RIC1: variants seen among roughly 807,000 people sequenced by gnomAD.
The protein encoded by RIC1 is RIC1 partner of RAB6A GEF complex.
In RIC1, 88 loss-of-function variants were observed where a neutral mutation model predicts 169.0. That is an observed-to-expected ratio of 0.52 (90% CI 0.44 to 0.62). The LOEUF (loss-of-function observed/expected upper bound fraction) is 0.62. Among genes scored for constraint, RIC1 ranks in the 20% least tolerant of loss-of-function variants. The pLI, the probability that RIC1 is intolerant of heterozygous loss-of-function variation, is 0.00. For synonymous variants in RIC1, 790 were observed against 601.5 expected, an observed-to-expected ratio of 1.31 and a Z score of -4.59; for missense variants, 1,877 against 1,725.5, an observed-to-expected ratio of 1.09 and a Z score of -1.56.
chr9:5,661,986 T>C (rs1819481530), intron 2 of RIC1, among the ~76,000 whole-genome samples: 1 of 152,240 alleles, frequency 6.6e-6, no homozygotes, highest in African/African-American at 2.4e-5. Flanking sequence ...ATGACTCTTA[T>C]TATTTTGAAG....
At position 5,654,383 on chromosome 9, in the gene RIC1, A is replaced by G. The variant is rs141719443; in HGVS notation, c.145-2200A>G. Among the ~76,000 whole-genome samples the G allele has an allele frequency of 6.3e-3, 957 of 152,222 alleles. 32 individuals carry two copies. The highest frequency in any genetic ancestry group is 0.048 in the Admixed American group (741 of 15,286). On this transcript the variant is annotated intron_variant, in intron 1 of 25. Coordinates refer to ENST00000414202, the MANE Select transcript of RIC1 (RefSeq NM_020829.4). ...TGCCACATTCTCCCGAGTAGCTGGG[A>G]TTACAGGTGACTGCCACCATGTCCA...
In RIC1 at chr9:5,713,939, C is replaced by T. The variant is rs1235732467; in HGVS notation, c.376C>T (p.Gln126Ter). 1 of 1,613,124 alleles carries T rather than the reference C, an allele frequency of 6.2e-7. No individual in the cohort carries two copies. The highest frequency in any genetic ancestry group is 1.7e-5 in the Admixed American group (1 of 59,992). ...MKGTPHFKEE[Q>*]CAPALNLEMR... Reference sequence around the variant, plus strand: ...GGGGACACCCCATTTTAAGGAAGAACAGTGTGCTCCAGCATTAAATTTGGA... The same window carrying T: ...GGGGACACCCCATTTTAAGGAAGAATAGTGTGCTCCAGCATTAAATTTGGA... Residue 126 changes from glutamine to a stop codon, truncating the protein, a stop_gained, in exon 4 of 26, where the codon CAG becomes TAG. Coordinates refer to ENST00000414202, the MANE Select transcript of RIC1 (RefSeq NM_020829.4). LOFTEE classifies it high-confidence loss of function.
intron 3 of RIC1, among the ~76,000 whole-genome samples, chr9:5,707,545 G>A (rs1260620912): frequency 1.3e-5 from 2 of 151,740 alleles, no homozygotes; most frequent in Non-Finnish European, 2.9e-5. Context: ...ATATTTTGTG[G>A]CTCTGATGCT....
chr9:5,720,792 CT>C lies in RIC1; in HGVS notation c.720+44del, dbSNP rs779648871. Reference sequence around the variant, plus strand: ...TTGAAGGGTTTTTTGTTATTGTGTACTTATTTTATTCTTTGTTATCAAATTC... The same window carrying C: ...TTGAAGGGTTTTTTGTTATTGTGTACTATTTTATTCTTTGTTATCAAATTC... On this transcript the variant is annotated intron_variant, in intron 6 of 25. Transcript: ENST00000414202. 4.1e-6 allele frequency: 6 copies of C among 1,466,288 alleles called. No individual in the cohort carries two copies. In the Admixed American group the frequency reaches 7.1e-5, roughly 17 times the overall value. The allele number at this position is 1,466,288 out of a possible 1,614,324, so 90.8% of individuals were successfully genotyped here.
intron 2 of RIC1, among the ~76,000 whole-genome samples, chr9:5,672,273 CT>C (rs1470827575): frequency 6.6e-6 from 1 of 152,194 alleles, no homozygotes; most frequent in African/African-American, 2.4e-5. Context: ...AGCTCATTAA[CT>C]TTACGATGTA....
chr9:5,716,197 C>T (rs1304957349), intron 4 of RIC1, among the ~76,000 whole-genome samples: 3 of 152,128 alleles, frequency 2.0e-5, no homozygotes, highest in Non-Finnish European at 2.9e-5. Context: ...TGGGATACCA[C>T]ATAGCTCTCA....
rs1823066730 is a variant in RIC1 at position 5,713,685 on chromosome 9, C to G, written c.333-211C>G. ...TGCTCTTCTTCCCACCCTCCTAACA[C>G]AAATTACATTGGTCAAACATTTATT... On this transcript the variant is annotated intron_variant, in intron 3 of 25. Coordinates refer to ENST00000414202, the MANE Select transcript of RIC1 (RefSeq NM_020829.4). 9.4e-6 allele frequency: 3 copies of G among 318,454 alleles called. No individual in the cohort carries two copies. The East Asian group carries it at 1.6e-4, about 17-fold the overall frequency. The allele number at this position is 318,454 out of a possible 1,614,324, so 19.7% of individuals were successfully genotyped here.
intron 1 of RIC1, among the ~76,000 whole-genome samples, chr9:5,629,702 A>T (rs967176087): frequency 2.6e-5 from 4 of 151,942 alleles, no homozygotes; most frequent in Non-Finnish European, 5.9e-5. Context: ...CCCGCGTTGG[A>T]CCGACGGCCG....
At chr9:5,714,477 C>A (rs1256139811) in intron 4 of RIC1, among the ~76,000 whole-genome samples, 1 of 152,142 alleles carries the variant, frequency 6.6e-6, no homozygotes, top group East Asian at 1.9e-4. Context: ...CTATTTTATA[C>A]CCATTGGTAG....
chr9:5,717,940 G>A (rs1174135891), intron 4 of RIC1, among the ~76,000 whole-genome samples: 1 of 149,632 alleles, frequency 6.7e-6, no homozygotes, highest in Non-Finnish European at 1.5e-5. Flanking sequence ...AGGAGTTCAA[G>A]ACGAGCCTGG....
intron 10 of RIC1, among the ~76,000 whole-genome samples, chr9:5,744,674 G>T (rs965291462): frequency 6.6e-6 from 1 of 150,938 alleles, no homozygotes; most frequent in Non-Finnish European, 1.5e-5. Context: ...ATGAAGTCAG[G>T]TGTGGGATTT....
At chr9:5,670,754 T>G (rs1403191772) in intron 2 of RIC1, among the ~76,000 whole-genome samples, 1 of 152,232 alleles carries the variant, frequency 6.6e-6, no homozygotes, top group Non-Finnish European at 1.5e-5. Flanking sequence ...TAGAGAAAGT[T>G]TAATTCATGA....
At chr9:5,777,991 AAAAT>A (rs1827676246), downstream of RIC1, among the ~76,000 whole-genome samples, 1 of 152,148 alleles carries the variant, frequency 6.6e-6, no homozygotes, top group Admixed American at 6.5e-5. Context: ...TTTCTATACT[AAAAT>A]AAAGGCAGTT....
At chr9:5,696,407 A>G (rs951237360) in intron 3 of RIC1, among the ~76,000 whole-genome samples, 28 of 152,110 alleles carry the variant, frequency 1.8e-4, no homozygotes, top group Admixed American at 1.3e-4. Flanking sequence ...CTCCCCTGCT[A>G]TCTTTTTTTA....
At chr9:5,713,774 CTGAAGGA>C (rs770450944) in intron 3 of RIC1, 115 bp from the exon 4 acceptor site, 205 of 547,814 alleles carry the variant, frequency 3.7e-4, no homozygotes, top group Non-Finnish European at 5.6e-4. Flanking sequence ...ATTTGAGAAT[CTGAAGGA>C]TGAATACCTG....
At chr9:5,690,132 A>G in intron 3 of RIC1, 94 bp downstream of exon 3, 1 of 746,236 alleles carries the variant, frequency 1.3e-6, no homozygotes, top group Non-Finnish European at 2.1e-6. Context: ...AGTGATTAGA[A>G]TAAAACTAAA....
At chr9:5,726,600 T>C (rs1257448491) in intron 6 of RIC1, among the ~76,000 whole-genome samples, 1 of 152,250 alleles carries the variant, frequency 6.6e-6, no homozygotes, top group Non-Finnish European at 1.5e-5. Flanking sequence ...GTCATTATGA[T>C]GTTAGCTGGT....
intron 6 of RIC1, among the ~76,000 whole-genome samples, chr9:5,726,579 AATT>A (rs993391284): frequency 1.3e-5 from 2 of 152,192 alleles, no homozygotes; most frequent in Non-Finnish European, 2.9e-5. Context: ...GTTATGTGTG[AATT>A]TGATCCTGTC....
intron 25 of RIC1, among the ~76,000 whole-genome samples, chr9:5,773,478 G>A (rs532451529): frequency 6.6e-6 from 1 of 152,184 alleles, no homozygotes; most frequent in Admixed American, 6.5e-5. Context: ...TTCCATGGCA[G>A]TTACAAGCAA....
Sources: allele counts gnomAD v4.1 joint callset (sites outside exome capture counted in the v4.1 genomes callset), GRCh38; gene constraint gnomAD v4.1.1; transcripts MANE v1.5; gene names NCBI Gene and HGNC (gene_info 2026-07-23, HGNC 2026-07-21).